The following FLRT1 variants were observed in gnomAD, a reference collection of about 807,000 sequenced individuals.
The protein encoded by FLRT1 is leucine-rich repeat transmembrane protein FLRT1.
Under a neutral mutation model 30.9 loss-of-function variants are expected in FLRT1, and 14 were observed. The ratio of observed to expected loss-of-function variants is 0.45; its 90% CI spans 0.30 to 0.71. The LOEUF (loss-of-function observed/expected upper bound fraction) is 0.71, where lower values mean the gene tolerates loss of function less well. Ranked by LOEUF, FLRT1 falls within the 30% of genes least tolerant of loss-of-function variation. FLRT1 has a pLI of 0.08. For missense variants in FLRT1, 737 were observed against 949.2 expected (o/e 0.78, Z 2.94); for synonymous variants, 368 against 430.4 (o/e 0.85, Z 1.80).
rs1388570459 is a variant in FLRT1 at position 64,117,530 on chromosome 11, C to A, written c.1263C>A (p.Leu421=). The A allele has an allele frequency of 6.2e-7, 1 of 1,603,340 alleles. No homozygotes were observed. The change falls in exon 3 of 3, where the codon CTC becomes CTA. Residue 421 remains leucine (L), a synonymous_variant. Transcript: ENST00000682287. ...TLKAKRPGLR[L]PDSNIDYPMA... is the part of the protein sequence containing the mutation. ...AGGCCAAAAGGCCAGGGCTGCGCCT[C>A]CCCGACTCCAACATTGACTACCCCA...
chr11:64,083,870 T>C (rs890916433), intron 1 of FLRT1, among the ~76,000 whole-genome samples: 1 of 151,936 alleles, frequency 6.6e-6, no homozygotes, highest in African/African-American at 2.4e-5. Context: ...ACCTGGGGGG[T>C]GCTGGGCGAG....
At chr11:64,080,069 A>G (rs923815159) in intron 1 of FLRT1, among the ~76,000 whole-genome samples, 4 of 152,114 alleles carry the variant, frequency 2.6e-5, no homozygotes, top group African/African-American at 4.8e-5. Context: ...CTGGAGTGCA[A>G]TGGCACCATC....
rs374032073 is a variant in FLRT1, at chr11:64,096,418, C to CT, written c.-1037-6764dup. On this transcript the variant is annotated intron_variant, in intron 1 of 2. Transcript: ENST00000682287. The surrounding 1 kb of genome is among the most constrained non-coding windows in gnomAD (Gnocchi z 4.6). ...AGGCAAGTGGTCGTTCCTGTCCCCT[C>CT]TTTTTTTTTTTTGAGACTGAGTCTC... 8.0e-4 allele frequency among the ~76,000 whole-genome samples: 117 copies of CT among 145,478 alleles called. No homozygotes were observed. Among genetic ancestry groups the CT allele is most frequent in the Admixed American group, 9.6e-4 (14 of 14,590 alleles).
chr11:64,066,294 CAAAAAAA>C (rs59963244), intron 1 of FLRT1, among the ~76,000 whole-genome samples: 2 of 50,936 alleles, frequency 3.9e-5, no homozygotes, highest in Non-Finnish European at 8.6e-5. Context: ...GAGACTGTCT[CAAAAAAA>C]AAAAAAAAAA....
In FLRT1 at chr11:64,116,318, T is replaced by A; in HGVS notation, c.51T>A (p.Thr17=). ...CTGCCACCACCACGCCCACTGCCAC[T>A]GTCACGGCCACCGTTGTGATGACCA... is the stretch of plus-strand genomic sequence containing the variant. ...TATATTTPTA[T]VTATVVMTTA... Residue 17 remains threonine (T), a synonymous_variant, in exon 3 of 3, where the codon ACT becomes ACA. Transcript: ENST00000682287. The A allele has an allele frequency of 6.2e-7, 1 of 1,609,368 alleles. No individual in the cohort carries two copies. Among genetic ancestry groups the A allele is most frequent in the Non-Finnish European group, 8.5e-7 (1 of 1,178,806 alleles).
intron 1 of FLRT1, among the ~76,000 whole-genome samples, chr11:64,091,204 G>A (rs1396939319): frequency 6.6e-6 from 1 of 151,988 alleles, no homozygotes; most frequent in African/African-American, 2.4e-5. Flanking sequence ...CAAGGGAAGT[G>A]GGCAGTGGCA....
chr11:64,106,357 T>G (rs1944763862), intron 2 of FLRT1, among the ~76,000 whole-genome samples: 1 of 152,224 alleles, frequency 6.6e-6, no homozygotes, highest in Non-Finnish European at 1.5e-5. Flanking sequence ...GCCCTGGGTC[T>G]AGGTTCAGGG....
intron 1 of FLRT1, among the ~76,000 whole-genome samples, chr11:64,055,826 T>C (rs1281255632): frequency 1.3e-5 from 2 of 152,134 alleles, no homozygotes; most frequent in African/African-American, 4.8e-5. Context: ...TCTTTCTGGG[T>C]ACCATTCTTA....
chr11:64,080,422 G>T (rs1030605773), intron 1 of FLRT1, among the ~76,000 whole-genome samples: 23 of 152,198 alleles, frequency 1.5e-4, no homozygotes, highest in African/African-American at 5.3e-4. Flanking sequence ...GGGTTTTTTT[G>T]TGTGTATTTA....
At chr11:64,056,840 C>T (rs1416022183) in intron 1 of FLRT1, among the ~76,000 whole-genome samples, 1 of 151,798 alleles carries the variant, frequency 6.6e-6, no homozygotes, top group East Asian at 1.9e-4. Flanking sequence ...GGGATGACCT[C>T]CACTCTGCCT....
chr11:64,048,565 G>T (rs990653189), intron 1 of FLRT1, among the ~76,000 whole-genome samples: 10 of 152,186 alleles, frequency 6.6e-5, no homozygotes, highest in Non-Finnish European at 1.5e-4. Context: ...AGTCAAGCAG[G>T]ATGGTTAATA....
intron 1 of FLRT1, among the ~76,000 whole-genome samples, chr11:64,065,997 C>G (rs142045959): frequency 6.6e-6 from 1 of 151,826 alleles, no homozygotes; most frequent in African/African-American, 2.4e-5. Flanking sequence ...TGCCAAGTGG[C>G]TATAAAGATG....
At chr11:64,069,310 A>G (rs1165356227) in intron 1 of FLRT1, among the ~76,000 whole-genome samples, 1 of 152,174 alleles carries the variant, frequency 6.6e-6, no homozygotes, top group African/African-American at 2.4e-5. Context: ...TGGATGAGGC[A>G]CGGCTGTCAG....
intron 1 of FLRT1, among the ~76,000 whole-genome samples, chr11:64,084,746 G>A (rs1239934971): frequency 4.6e-5 from 7 of 152,314 alleles, no homozygotes; most frequent in East Asian, 1.9e-4. Flanking sequence ...GCCACACCTC[G>A]TGCCTTGGTG....
chr11:64,046,125 CAGGGGTAGGA>C (rs1943579480), intron 1 of FLRT1, among the ~76,000 whole-genome samples: 6 of 152,246 alleles, frequency 3.9e-5, no homozygotes, highest in African/African-American at 1.2e-4. Flanking sequence ...TTCTGAGCGG[CAGGGGTAGGA>C]TGGGAACCCG....
rs2086202098 is a variant in FLRT1 at position 64,064,741 on chromosome 11, C to T, written c.-1038+28582C>T. Among the ~76,000 whole-genome samples the T allele has an allele frequency of 6.6e-6, 1 of 151,248 alleles. No individual in the cohort carries two copies. Among genetic ancestry groups the T allele is most frequent in the South Asian group, 2.1e-4 (1 of 4,714 alleles). ...CCCTCCCTGCCAGCCCCCCAGCAGG[C>T]AGCCAGGCCTGGACCCACCATCCAG... On this transcript the variant is annotated intron_variant, in intron 1 of 2. Transcript: ENST00000682287. The surrounding 1 kb of genome is among the most constrained non-coding windows in gnomAD (Gnocchi z 4.5).
intron 2 of FLRT1, among the ~76,000 whole-genome samples, chr11:64,109,983 G>C (rs1944831078): frequency 6.6e-6 from 1 of 152,156 alleles, no homozygotes; most frequent in South Asian, 2.1e-4. Context: ...ACTTGGGGCA[G>C]CTTTTAAACT....
rs376306365 is a variant in FLRT1, at chr11:64,101,095, A to G, written c.-1037-2099A>G. 2.6e-4 allele frequency among the ~76,000 whole-genome samples: 39 copies of G among 152,072 alleles called. No individual in the cohort carries two copies. The South Asian group carries it at 5.0e-3, about 19-fold the overall frequency. On this transcript the variant is annotated intron_variant, in intron 1 of 2. Transcript: ENST00000682287. ...CTTTTCATGCTCCGTTGTTGCTGTC[A>G]TGGTTCACAGGACCACACAAGCCAA...
chr11:64,036,389 G>A lies in FLRT1; in HGVS notation c.-1038+230G>A, dbSNP rs1323603659. ...TAGCGGTGGCGCTGGCCCCGCCGCGGGGAGGCGCGGGGTGCGCGGCCGGCG... is the reference window on the plus strand; with the variant it reads ...TAGCGGTGGCGCTGGCCCCGCCGCGAGGAGGCGCGGGGTGCGCGGCCGGCG... On this transcript the variant is annotated intron_variant, in intron 1 of 2. Coordinates refer to ENST00000682287, the MANE Select transcript of FLRT1 (RefSeq NM_013280.5). This position sits in a 1 kb window ranked among gnomAD's most constrained non-coding sequence, Gnocchi z 5.6. 6.6e-6 allele frequency among the ~76,000 whole-genome samples: 1 copy of A among 152,136 alleles called. No individual in the cohort carries two copies. Among genetic ancestry groups the A allele is most frequent in the African/African-American group, 2.4e-5 (1 of 41,456 alleles).
Sources: gnomAD v4.1 joint callset for allele counts (sites outside exome capture counted in the v4.1 genomes callset) on GRCh38, gnomAD v4.1.1 for gene constraint, Gnocchi (gnomAD v3.1) non-coding constraint, MANE v1.5 for transcripts, NCBI Gene and HGNC (gene_info 2026-07-23, HGNC 2026-07-21) for gene names.